CDH17: variants seen among roughly 807,000 people sequenced by gnomAD.
The protein encoded by CDH17 is cadherin-17.
Under a neutral mutation model 86.3 loss-of-function variants are expected in CDH17, and 67 were observed. That is an observed-to-expected ratio of 0.78 (90% confidence interval 0.64 to 0.95). The LOEUF is 0.95. Ranked by LOEUF, CDH17 falls within the 40% of genes least tolerant of loss-of-function variation. The pLI is 0.00. For missense variants in CDH17, 993 were observed against 1,017.6 expected, an observed-to-expected ratio of 0.98 and a Z score of 0.33; for synonymous variants, 367 against 366.4, an observed-to-expected ratio of 1.00 and a Z score of -0.02.
At chr8:94,145,351 G>A (rs1052181765) in intron 15 of CDH17, among the ~76,000 whole-genome samples, 2 of 152,126 alleles carry the variant, frequency 1.3e-5, no homozygotes, top group Non-Finnish European at 2.9e-5. Context: ...AAAATACTGA[G>A]ATGAAAGAAG....
intron 14 of CDH17, among the ~76,000 whole-genome samples, chr8:94,147,773 A>T (rs1030002143): frequency 1.3e-5 from 2 of 152,224 alleles, no homozygotes; most frequent in Admixed American, 1.3e-4. Flanking sequence ...GGCAATATAT[A>T]TCAGCACAAC....
intron 1 of CDH17, among the ~76,000 whole-genome samples, chr8:94,195,002 T>C (rs1296671648): frequency 6.6e-6 from 1 of 152,192 alleles, no homozygotes; most frequent in African/African-American, 2.4e-5. Context: ...GCAATGAGTG[T>C]TTGTTTTGGG....
At chr8:94,159,947 C>T in intron 12 of CDH17, 24 bp downstream of exon 12, 1 of 1,565,296 alleles carries the variant, frequency 6.4e-7, no homozygotes, top group Non-Finnish European at 8.7e-7. Flanking sequence ...AAGACAAATT[C>T]TATTAAATAA....
intron 2 of CDH17, among the ~76,000 whole-genome samples, chr8:94,192,083 C>A (rs188951143): frequency 6.6e-6 from 1 of 152,334 alleles, no homozygotes; most frequent in East Asian, 1.9e-4. Flanking sequence ...TGCACTATTC[C>A]AACAAGGACA....
intron 15 of CDH17, among the ~76,000 whole-genome samples, chr8:94,134,039 C>T (rs1586229797): frequency 6.6e-6 from 1 of 152,172 alleles, no homozygotes; most frequent in Admixed American, 6.5e-5. Flanking sequence ...TTTTGATGTG[C>T]TGCTGGATTC....
At chr8:94,169,216 C>A (rs534773216) in intron 9 of CDH17, among the ~76,000 whole-genome samples, 2 of 152,116 alleles carry the variant, frequency 1.3e-5, no homozygotes, top group Admixed American at 6.5e-5. Flanking sequence ...TGATGGCACA[C>A]GTGTTTGTTG....
At chr8:94,139,104 A>T (rs529991266) in intron 15 of CDH17, among the ~76,000 whole-genome samples, 2 of 152,314 alleles carry the variant, frequency 1.3e-5, no homozygotes, top group South Asian at 4.1e-4. Context: ...TATATTCTAT[A>T]TGTTCAAGAA....
At chr8:94,209,185 T>A (rs1330723194), upstream of CDH17, among the ~76,000 whole-genome samples, 2 of 152,200 alleles carry the variant, frequency 1.3e-5, no homozygotes, top group Non-Finnish European at 2.9e-5. Context: ...TGGATTTACC[T>A]AGGAACAACT....
upstream of CDH17, among the ~76,000 whole-genome samples, chr8:94,213,314 T>C (rs551852900): frequency 6.6e-6 from 1 of 152,336 alleles, no homozygotes; most frequent in South Asian, 2.1e-4. Context: ...TAGGCCCTTC[T>C]GAGAAACACT....
rs192408279 is a variant in CDH17, at chr8:94,169,338, A to T, written c.1066+1059T>A. Among the ~76,000 whole-genome samples the T allele has an allele frequency of 1.8e-3, 280 of 152,274 alleles. 1 individual carries two copies. Among genetic ancestry groups the T allele is most frequent in the East Asian group, 6.0e-3 (31 of 5,178 alleles). ...TGGCAAGAGTTGAGAAAAATGAAAC[A>T]GAGAGGACCTGCACAGAACACAGTG... is the stretch of plus-strand genomic sequence containing the variant. On this transcript the variant is annotated intron_variant, in intron 9 of 17. Transcript: ENST00000027335.
chr8:94,146,169 T>G lies in CDH17; in HGVS notation c.1928-2A>C. The G allele has an allele frequency of 6.6e-7, 1 of 1,507,518 alleles. No individual in the cohort carries two copies. The allele number at this position is 1,507,518 out of a possible 1,614,324, so 93.4% of individuals were successfully genotyped here. The stretch of plus-strand genomic sequence containing the variant: ...ACACAGAGCTCAAGGAAGACCCCCC[T>G]AAGGAATTGAATGATTGAAACATGG... On this transcript the variant is annotated splice_acceptor_variant, in intron 14 of 17. Coordinates refer to ENST00000027335, the MANE Select transcript of CDH17 (RefSeq NM_004063.4). LOFTEE classifies it high-confidence loss of function.
At chr8:94,212,379 G>T (rs1814136955), upstream of CDH17, among the ~76,000 whole-genome samples, 3 of 152,138 alleles carry the variant, frequency 2.0e-5, no homozygotes, top group Admixed American at 2.0e-4. Flanking sequence ...TGGGGTCTAA[G>T]ATCTGCCCAC....
In CDH17 at chr8:94,130,958, C is replaced by G. The variant is rs1051623; in HGVS notation, c.2202G>C (p.Glu734Asp). ...THARLSTRHT[E>D]FEEREYVVLI... The stretch of plus-strand genomic sequence containing the variant: ...AGACGACATACTCCCTCTCCTCAAA[C>G]TCTGTGTGCCTGGTAGACAGTCGGG... Residue 734 changes from glutamate (E) to aspartate (D), a missense_variant, in exon 16 of 18, where the codon GAG becomes GAC. By Grantham distance (45) the Glu-to-Asp change is conservative (BLOSUM62 2). Coordinates refer to ENST00000027335, the MANE Select transcript of CDH17 (RefSeq NM_004063.4). 1,321,000 of 1,603,942 alleles carry G rather than the reference C, an allele frequency of 0.82. 545,479 individuals are homozygous for G. The highest frequency in any genetic ancestry group is 0.85 in the African/African-American group (63,622 of 74,744).
chr8:94,176,365 T>G (rs184397285), intron 5 of CDH17, among the ~76,000 whole-genome samples, 176 bp downstream of exon 5: 1 of 152,298 alleles, frequency 6.6e-6, no homozygotes, highest in East Asian at 1.9e-4. Context: ...TAGTGCTGCA[T>G]TGAGAGACCA....
At chr8:94,133,595 A>T (rs112963609) in intron 15 of CDH17, among the ~76,000 whole-genome samples, 1 of 152,324 alleles carries the variant, frequency 6.6e-6, no homozygotes, top group South Asian at 2.1e-4. Context: ...CAATCATGTC[A>T]TGTGCAAACA....
chr8:94,132,482 C>T lies in CDH17; in HGVS notation c.2168-1490G>A, dbSNP rs141887843. 8.1e-3 allele frequency among the ~76,000 whole-genome samples: 1,239 copies of T among 152,266 alleles called. 16 individuals are homozygous for T. The highest frequency in any genetic ancestry group is 0.026 in the African/African-American group (1,064 of 41,542). ...TGCATAAATGTCTTTTGAGAAGTGT[C>T]TGTTCATATCTGTTGCCCACTTTTT... On this transcript the variant is annotated intron_variant, in intron 15 of 17. Transcript: ENST00000027335.
chr8:94,201,038 G>T (rs1813902362), intron 1 of CDH17, among the ~76,000 whole-genome samples: 1 of 152,110 alleles, frequency 6.6e-6, no homozygotes, highest in Non-Finnish European at 1.5e-5. Context: ...CAAATATCCT[G>T]ATGATGAGAC....
chr8:94,187,300 C>T (rs530770772), intron 3 of CDH17, among the ~76,000 whole-genome samples: 1 of 152,354 alleles, frequency 6.6e-6, no homozygotes, highest in Non-Finnish European at 1.5e-5. Flanking sequence ...GCCCCCTCCA[C>T]ATCCCACCAG....
At chr8:94,168,095 GGAA>G in intron 9 of CDH17, among the ~76,000 whole-genome samples, 1 of 81,168 alleles carries the variant, frequency 1.2e-5, no homozygotes, top group Non-Finnish European at 2.1e-5. Context: ...AATACACTGG[GGAA>G]TATATATATA....
Sources: gnomAD v4.1 joint callset for allele counts (sites outside exome capture counted in the v4.1 genomes callset) on GRCh38, gnomAD v4.1.1 for gene constraint, MANE v1.5 for transcripts, NCBI Gene and HGNC (gene_info 2026-07-23, HGNC 2026-07-21) for gene names.